The following HSD17B4 variants were observed in gnomAD, a reference collection of about 807,000 sequenced individuals.
HSD17B4 encodes peroxisomal multifunctional enzyme type 2.
HSD17B4 carries 70 observed loss-of-function variants against 101.0 expected under a neutral mutation model. The observed-to-expected ratio is 0.69, with a 90% confidence interval of 0.57 to 0.85. The LOEUF (loss-of-function observed/expected upper bound fraction) is 0.85, where lower values mean the gene tolerates loss of function less well. HSD17B4 is among the 40% of genes least tolerant of loss of function. HSD17B4 has a pLI of 0.00. For missense variants in HSD17B4, 984 were observed against 892.4 expected (o/e 1.10, Z -1.31); for synonymous variants, 347 against 297.1 (o/e 1.17, Z -1.73).
intron 17 of HSD17B4, among the ~76,000 whole-genome samples, chr5:119,523,802 T>C (rs1368037876): frequency 3.9e-5 from 6 of 152,156 alleles, no homozygotes; most frequent in Non-Finnish European, 8.8e-5. Context: ...CCCACCTTTT[T>C]CCAACTACTC....
In HSD17B4 at chr5:119,489,197, G is replaced by T. The variant is rs1017610439; in HGVS notation, c.628G>T (p.Val210Leu). The T allele has an allele frequency of 6.3e-7, 1 of 1,599,776 alleles. No individual in the cohort carries two copies. Among genetic ancestry groups the T allele is most frequent in the East Asian group, 2.2e-5 (1 of 44,756 alleles). ...MTQTVMPEDL[V>L]EALKPEYVAP... Reference sequence around the variant, plus strand: ...GTGTATATTCTTTATTTCAGATCTTGTGGAAGCCCTGAAGCCAGAGTATGT... The same window carrying T: ...GTGTATATTCTTTATTTCAGATCTTTTGGAAGCCCTGAAGCCAGAGTATGT... The change falls in exon 9 of 24, where the codon GTG becomes TTG. Residue 210 changes from valine (V) to leucine (L), a missense_variant. By Grantham distance (32) the Val-to-Leu change is conservative (BLOSUM62 1). Coordinates refer to ENST00000510025, the MANE Select transcript of HSD17B4 (RefSeq NM_000414.4).
intron 10 of HSD17B4, chr5:119,493,080 T>G (rs1750261826): frequency 6.6e-6 from 1 of 152,236 alleles, no homozygotes; most frequent in African/African-American, 2.4e-5. Context: ...GTAAAAGCTA[T>G]ATCTGGCACT....
Position 119,542,197 on chromosome 5 carries a change from C to G in HSD17B4, c.*203C>G. 1 of 508,300 alleles carries G rather than the reference C, an allele frequency of 2.0e-6. No individual in the cohort carries two copies. Among genetic ancestry groups the G allele is most frequent in the South Asian group, 2.3e-5 (1 of 44,156 alleles). 31.5% of individuals were successfully genotyped at this position (508,300 alleles called of 1,614,324 possible). A position where few individuals can be genotyped will look rare whatever the true frequency, so the allele number is the denominator to read the frequency against. The stretch of plus-strand genomic sequence containing the variant: ...TTACAAGGAACTATATATAAGCTAG[C>G]ACATAATTATCCTTCTGTTCTTAGA... On this transcript the variant is annotated 3_prime_UTR_variant, in exon 24 of 24. Transcript: ENST00000510025.
chr5:119,517,593 CCTTT>C (rs1387185704), intron 17 of HSD17B4, among the ~76,000 whole-genome samples: 1 of 152,210 alleles, frequency 6.6e-6, no homozygotes, highest in Non-Finnish European at 1.5e-5. Flanking sequence ...ACATGGAGAA[CCTTT>C]ATGTCAGGGA....
intron 2 of HSD17B4, among the ~76,000 whole-genome samples, chr5:119,461,697 C>T (rs1330768413): frequency 1.4e-5 from 2 of 139,774 alleles, no homozygotes; most frequent in African/African-American, 5.4e-5. Flanking sequence ...GCCTGGGCAA[C>T]ATAGCAAGGC....
intron 17 of HSD17B4, among the ~76,000 whole-genome samples, chr5:119,523,175 A>G (rs1225760963): frequency 1.3e-5 from 2 of 152,022 alleles, no homozygotes; most frequent in Non-Finnish European, 1.5e-5. Context: ...AAAAAGCACT[A>G]GTTTCCTGAG....
intron 15 of HSD17B4, among the ~76,000 whole-genome samples, chr5:119,507,263 T>C (rs545067002): frequency 6.6e-6 from 1 of 152,344 alleles, no homozygotes; most frequent in Admixed American, 6.5e-5. Context: ...TATTCTTTAA[T>C]GTGTTAGCTA....
chr5:119,518,234 G>A (rs1175479243), intron 17 of HSD17B4, among the ~76,000 whole-genome samples: 4 of 151,884 alleles, frequency 2.6e-5, no homozygotes, highest in African/African-American at 7.3e-5. Flanking sequence ...CGGGAGGAAC[G>A]AACAACTCCA....
chr5:119,481,221 TA>T (rs1749096938), intron 8 of HSD17B4, among the ~76,000 whole-genome samples: 1 of 152,190 alleles, frequency 6.6e-6, no homozygotes, highest in African/African-American at 2.4e-5. Flanking sequence ...GAGATTGCAG[TA>T]AAGACAGGCA....
In HSD17B4 at chr5:119,531,305, G is replaced by A. The variant is rs1457459853; in HGVS notation, c.1894G>A (p.Gly632Arg). 6.2e-7 allele frequency: 1 copy of A among 1,613,554 alleles called. No individual in the cohort carries two copies. Among genetic ancestry groups the A allele is most frequent in the Non-Finnish European group, 8.5e-7 (1 of 1,179,626 alleles). ...GAGTACCTTTGTATTTGAGGAAATA[G>A]GACGCCGCCTAAAGGATATTGGGCC... ...LQSTFVFEEIGRRLKDIGPEV... is the reference protein window; with the variant it reads ...LQSTFVFEEIRRRLKDIGPEV... Residue 632 changes from glycine (G) to arginine (R), a missense_variant, in exon 22 of 24, where the codon GGA (glycine) becomes AGA (arginine). By Grantham distance (125) the Gly-to-Arg change is moderately radical. Coordinates refer to ENST00000510025, the MANE Select transcript of HSD17B4 (RefSeq NM_000414.4).
In HSD17B4 at chr5:119,531,374, A is replaced by T. The variant is rs1440592692; in HGVS notation, c.1963A>T (p.Thr655Ser). ...KVNAVFEWHITKGGNIGAKWT... is the reference protein window; with the variant it reads ...KVNAVFEWHISKGGNIGAKWT... ...AAATGCTGTATTTGAGTGGCATATA[A>T]CCAAAGGCGGAAATATTGGGGCTAA... Residue 655 changes from threonine to serine, a missense_variant, in exon 22 of 24, where the codon ACC becomes TCC. Physicochemically the swap from Thr to Ser is moderately conservative, Grantham distance 58. Coordinates refer to ENST00000510025, the MANE Select transcript of HSD17B4 (RefSeq NM_000414.4). 6.2e-7 allele frequency: 1 copy of T among 1,613,620 alleles called. No homozygotes were observed.
intron 16 of HSD17B4, among the ~76,000 whole-genome samples, chr5:119,512,480 AG>A (rs932293300): frequency 2.0e-5 from 3 of 152,158 alleles, no homozygotes; most frequent in Non-Finnish European, 4.4e-5. Context: ...AACCCTAATA[AG>A]ATTAAGAGCT....
intron 14 of HSD17B4, among the ~76,000 whole-genome samples, chr5:119,502,392 ATC>A (rs1751252558): frequency 6.6e-6 from 1 of 152,134 alleles, no homozygotes; most frequent in South Asian, 2.1e-4. Context: ...ATTGCATATA[ATC>A]TGTTATGGTT....
At chr5:119,523,430 G>T (rs548738246) in intron 17 of HSD17B4, among the ~76,000 whole-genome samples, 2 of 151,946 alleles carry the variant, frequency 1.3e-5, no homozygotes, top group African/African-American at 4.8e-5. Context: ...TTCAAAATAC[G>T]TAGAAGATAA....
intron 2 of HSD17B4, among the ~76,000 whole-genome samples, chr5:119,458,528 A>G (rs1301188000): frequency 7.8e-6 from 1 of 127,746 alleles, no homozygotes; most frequent in Non-Finnish European, 1.7e-5. Context: ...TTTTTTTTTT[A>G]AGTAAAGATG....
At chr5:119,510,706 G>A (rs1379716243) in intron 16 of HSD17B4, among the ~76,000 whole-genome samples, 4 of 152,200 alleles carry the variant, frequency 2.6e-5, no homozygotes, top group African/African-American at 9.7e-5. Flanking sequence ...GGTAAGAACA[G>A]TGAGACTGTG....
chr5:119,471,440 C>T (rs1474572236), intron 2 of HSD17B4, among the ~76,000 whole-genome samples: 1 of 151,904 alleles, frequency 6.6e-6, no homozygotes, highest in East Asian at 1.9e-4. Flanking sequence ...TAATTTTAGG[C>T]ATTGGCTTTT....
At chr5:119,458,768 C>T (rs1201511275) in intron 2 of HSD17B4, among the ~76,000 whole-genome samples, 3 of 152,038 alleles carry the variant, frequency 2.0e-5, no homozygotes, top group East Asian at 3.8e-4. Context: ...ACTGCTAAGC[C>T]TTAGGCTGAT....
rs752946061 is a variant in HSD17B4, at chr5:119,515,029, A to G, written c.1486A>G (p.Thr496Ala). 1.9e-6 allele frequency: 3 copies of G among 1,581,580 alleles called. No homozygotes were observed. Among genetic ancestry groups the G allele is most frequent in the African/African-American group, 2.7e-5 (2 of 74,238 alleles). The part of the protein sequence containing the change: ...NRPPDAVLTD[T>A]TSLNQAALYR... ...ACCTCCTGATGCTGTACTTACAGAT[A>G]CCACCTCTCTTAATCAGGTAAGATT... is the stretch of plus-strand genomic sequence containing the variant. Residue 496 changes from threonine to alanine, a missense_variant, in exon 17 of 24, where the codon ACC becomes GCC. Physicochemically the swap from Thr to Ala is moderately conservative, Grantham distance 58. Transcript: ENST00000510025.
Sources: allele counts gnomAD v4.1 joint callset (sites outside exome capture counted in the v4.1 genomes callset), GRCh38; gene constraint gnomAD v4.1.1; transcripts MANE v1.5; gene names NCBI Gene and HGNC (gene_info 2026-07-23, HGNC 2026-07-21).